The following ACAP1 variants were observed in gnomAD, a reference collection of about 807,000 sequenced individuals.
ACAP1 encodes the protein arf-GAP with coiled-coil, ANK repeat and PH domain-containing protein 1.
Under a neutral mutation model 98.8 loss-of-function variants are expected in ACAP1, and 45 were observed. The observed-to-expected ratio is 0.46, with a 90% CI of 0.36 to 0.58. The LOEUF (loss-of-function observed/expected upper bound fraction) is 0.58, where lower values mean the gene tolerates loss of function less well. Among genes scored for constraint, ACAP1 ranks in the 20% least tolerant of loss-of-function variants. ACAP1 has a pLI of 0.00. For synonymous variants in ACAP1, 362 were observed against 375.3 expected, an observed-to-expected ratio of 0.96 and a Z score of 0.41; for missense variants, 735 against 971.4, an observed-to-expected ratio of 0.76 and a Z score of 3.24.
In ACAP1 at chr17:7,351,373, G is replaced by A. The variant is rs143279009; in HGVS notation, c.2201G>A (p.Ser734Asn). 2.4e-5 allele frequency: 39 copies of A among 1,613,242 alleles called. 1 individual carries two copies. In the African/African-American group the frequency reaches 4.3e-4, roughly 18 times the overall value. ...SDDPEKLSRR[S>N]HDLHTL ...GACCCGGAGAAGCTGAGCCGTCGCA[G>A]TCATGACCTCCACACGCTGTGACCC... Residue 734 changes from serine to asparagine, a missense_variant, in exon 22 of 22, where the codon AGT becomes AAT. Coordinates refer to ENST00000158762, the MANE Select transcript of ACAP1 (RefSeq NM_014716.4).
In ACAP1 at chr17:7,347,951, G is replaced by C; in HGVS notation, c.1373G>C (p.Arg458Pro). Residue 458 changes from arginine (R) to proline (P), a missense_variant, in exon 15 of 22, where the codon CGG becomes CCG. Physicochemically the swap from Arg to Pro is moderately radical, Grantham distance 103 (BLOSUM62 -2). Around this residue, in one of 5 missense-constraint regions of ACAP1, gnomAD observed 81 missense variants for 132.0 expected, o/e 0.61. Transcript: ENST00000158762. ...CTTGGTGTTCACTTCTCCAAAGTCCGGTCTCTGACCCTTGACTCATGGGAG... is the reference window on the plus strand; with the variant it reads ...CTTGGTGTTCACTTCTCCAAAGTCCCGTCTCTGACCCTTGACTCATGGGAG... ...RSLGVHFSKV[R>P]SLTLDSWEPE... 2 of 1,614,176 alleles carry C rather than the reference G, an allele frequency of 1.2e-6. No homozygotes were observed. The highest frequency in any genetic ancestry group is 1.7e-6 in the Non-Finnish European group (2 of 1,180,014).
Position 7,350,171 on chromosome 17 carries a change from G to A in ACAP1, c.2006G>A (p.Arg669Gln), listed in dbSNP as rs1425014135. The change falls in exon 20 of 22, where the codon CGA becomes CAA. Residue 669 changes from arginine to glutamine, a missense_variant. Coordinates refer to ENST00000158762, the MANE Select transcript of ACAP1 (RefSeq NM_014716.4). The surrounding 1 kb of genome is among the most constrained non-coding windows in gnomAD (Gnocchi z 4.6). ...FLKRGADLGA[R>Q]DSEGRDPLTI... is the part of the protein sequence containing the mutation. ...AAACGGGGAGCTGATCTGGGGGCTC[G>A]AGACTCTGAAGGCAGGGACCCTCTG... The A allele has an allele frequency of 6.2e-6, 10 of 1,614,080 alleles. No homozygotes were observed. The Admixed American group carries it at 8.3e-5, about 13-fold the overall frequency.
rs140784794 is a variant in ACAP1 at position 7,346,842 on chromosome 17, C to A, written c.1042C>A (p.Leu348Met). 5 of 1,613,382 alleles carry A rather than the reference C, an allele frequency of 3.1e-6. No individual in the cohort carries two copies. In the African/African-American group the frequency reaches 6.7e-5, roughly 22 times the overall value. The change falls in exon 13 of 22, where the codon CTG becomes ATG. Residue 348 changes from leucine (L) to methionine (M), a missense_variant. This residue lies in a region of ACAP1 where 430 missense variants were observed against 531.8 expected (regional missense o/e 0.81). Coordinates refer to ENST00000158762, the MANE Select transcript of ACAP1 (RefSeq NM_014716.4). The stretch of plus-strand genomic sequence containing the variant: ...CCTCCAGGCTGACTCAGAGCGCCTC[C>A]TGCAGCTGTGGGTCAGTGCTGTGCA... Reference protein sequence around the residue: ...CLLQADSERLLQLWVSAVQSS... With the variant: ...CLLQADSERLMQLWVSAVQSS...
At chr17:7,347,885 C>T (rs774981502) in intron 14 of ACAP1, 37 bp from the exon 15 acceptor site, 1 of 1,589,874 alleles carries the variant, frequency 6.3e-7, no homozygotes, top group African/African-American at 1.3e-5. Flanking sequence ...CACTGCCCCC[C>T]TGCACAGGGC....
chr17:7,338,061 C>A (rs948225322), intron 2 of ACAP1, among the ~76,000 whole-genome samples: 1 of 152,094 alleles, frequency 6.6e-6, no homozygotes, highest in Non-Finnish European at 1.5e-5. Flanking sequence ...CACACAAATA[C>A]ACACTCAAAT....
Position 7,342,294 on chromosome 17 carries a change from C to T in ACAP1, c.251C>T (p.Thr84Ile). The change falls in exon 4 of 22, where the codon ACC becomes ATC. Residue 84 changes from threonine to isoleucine, a missense_variant. Physicochemically the swap from Thr to Ile is moderately conservative, Grantham distance 89. This residue lies in a region of ACAP1 where 430 missense variants were observed against 531.8 expected (regional missense o/e 0.81). Transcript: ENST00000158762. Reference sequence around the variant, plus strand: ...GCCTAGGAGTGTCTGGAAAAATTCACCGTGAGCCTGAACCACAAGCTGGAC... The same window carrying T: ...GCCTAGGAGTGTCTGGAAAAATTCATCGTGAGCCTGAACCACAAGCTGGAC... The part of the protein sequence containing the change: ...PMMAECLEKF[T>I]VSLNHKLDSH... 1 of 1,614,138 alleles carries T rather than the reference C, an allele frequency of 6.2e-7. No individual in the cohort carries two copies. The highest frequency in any genetic ancestry group is 1.1e-5 in the South Asian group (1 of 91,086).
chr17:7,341,334 C>T (rs919719401), intron 2 of ACAP1, among the ~76,000 whole-genome samples: 23 of 152,176 alleles, frequency 1.5e-4, no homozygotes, highest in African/African-American at 4.8e-4. Context: ...CTCAGCCTCC[C>T]GGGTTCAAGC....
At position 7,344,030 on chromosome 17, in the gene ACAP1, A is replaced by T; in HGVS notation, c.670-19A>T. 1 of 1,585,194 alleles carries T rather than the reference A, an allele frequency of 6.3e-7. No individual in the cohort carries two copies. The highest frequency in any genetic ancestry group is 8.6e-7 in the Non-Finnish European group (1 of 1,165,106). On this transcript the variant is annotated intron_variant, in intron 8 of 21. Coordinates refer to ENST00000158762, the MANE Select transcript of ACAP1 (RefSeq NM_014716.4). The surrounding 1 kb of genome is among the most constrained non-coding windows in gnomAD (Gnocchi z 4.9). ...AACTGGGGGGCCTTGGACATCTGAGATGCCCTTCCTGTGCCCAGTTGCACC... is the reference window on the plus strand; with the variant it reads ...AACTGGGGGGCCTTGGACATCTGAGTTGCCCTTCCTGTGCCCAGTTGCACC...
Position 7,346,398 on chromosome 17 carries a change from T to C in ACAP1, c.914T>C (p.Val305Ala). 2 of 1,614,038 alleles carry C rather than the reference T, an allele frequency of 1.2e-6. No individual in the cohort carries two copies. The highest frequency in any genetic ancestry group is 2.7e-5 in the African/African-American group (2 of 75,046). The stretch of plus-strand genomic sequence containing the variant: ...ATCACCTTATCCTGCCAGGACCCTG[T>C]GACTGTGGTGGTGGATGACCTTCGT... ...LVYQKKYKDP[V>A]TVVVDDLRLC... Residue 305 changes from valine to alanine, a missense_variant, in exon 12 of 22, where the codon GTG becomes GCG. Coordinates refer to ENST00000158762, the MANE Select transcript of ACAP1 (RefSeq NM_014716.4).
In ACAP1 at chr17:7,349,046, G is replaced by C. The variant is rs192044976; in HGVS notation, c.1730G>C (p.Arg577Pro). The C allele has an allele frequency of 5.6e-6, 9 of 1,613,818 alleles. No homozygotes were observed. Among genetic ancestry groups the C allele is most frequent in the Middle Eastern group, 1.7e-4 (1 of 5,996 alleles). Residue 577 changes from arginine (R) to proline (P), a missense_variant, in exon 18 of 22, where the codon CGA becomes CCA. Physicochemically the swap from Arg to Pro is moderately radical, Grantham distance 103. Coordinates refer to ENST00000158762, the MANE Select transcript of ACAP1 (RefSeq NM_014716.4). ...CTGCACCCTGGGGCCCTACTGTTTC[G>C]AGCGTCTGGGCATCCTCCATCTCTT... ...GSLHPGALLF[R>P]ASGHPPSLPT... is the part of the protein sequence containing the mutation.
rs1036347308 is a variant in ACAP1 at position 7,344,981 on chromosome 17, CAG to C, written c.854+335_854+336del. ...ATATCTGGGGGAAGAAAGTTCTAGA[CAG>C]AAGAAAGAGCCAGTGCCAAGGCCCT... On this transcript the variant is annotated intron_variant, in intron 10 of 21. Transcript: ENST00000158762. The surrounding 1 kb of genome is among the most constrained non-coding windows in gnomAD (Gnocchi z 4.9). Among the ~76,000 whole-genome samples, 35 of 152,118 alleles carry C rather than the reference CAG, an allele frequency of 2.3e-4. No homozygotes were observed. Among genetic ancestry groups the C allele is most frequent in the African/African-American group, 8.0e-4 (33 of 41,410 alleles).
Position 7,344,717 on chromosome 17 carries a change from T to A in ACAP1, c.854+69T>A. 1 of 1,169,432 alleles carries A rather than the reference T, an allele frequency of 8.6e-7. No individual in the cohort carries two copies. The highest frequency in any genetic ancestry group is 1.5e-5 in the African/African-American group (1 of 65,634). The allele number at this position is 1,169,432 out of a possible 1,614,324, so 72.4% of individuals were successfully genotyped here. ...GTATTTTCGAGTGGTAATAGCACACTAAGCACTGCAAGGAAAAACAGACGA... is the reference window on the plus strand; with the variant it reads ...GTATTTTCGAGTGGTAATAGCACACAAAGCACTGCAAGGAAAAACAGACGA... On this transcript the variant is annotated intron_variant, in intron 10 of 21. Coordinates refer to ENST00000158762, the MANE Select transcript of ACAP1 (RefSeq NM_014716.4). This position sits in a 1 kb window ranked among gnomAD's most constrained non-coding sequence, Gnocchi z 4.9.
chr17:7,349,884 A>G, intron 18 of ACAP1, 61 bp from the exon 19 acceptor site: 1 of 1,366,666 alleles, frequency 7.3e-7, no homozygotes, highest in Non-Finnish European at 1.0e-6. Context: ...ACCCTAAGAC[A>G]TCTTGAAATC....
chr17:7,347,077 G>A lies in ACAP1; in HGVS notation c.1178G>A (p.Gly393Asp), dbSNP rs894658081. ...AIGSAATLGSGGMARGREPGG... is the reference protein window; with the variant it reads ...AIGSAATLGSDGMARGREPGG... ...GGCTCTGCTGCCACCCTGGGCTCTG[G>A]TGGAATGGCCAGGGGAAGGGAGCCT... The change falls in exon 14 of 22, where the codon GGT (glycine) becomes GAT (aspartate). Residue 393 changes from glycine (G) to aspartate (D), a missense_variant. By Grantham distance (94) the Gly-to-Asp change is moderately conservative. This residue lies in a region of ACAP1 where 430 missense variants were observed against 531.8 expected (regional missense o/e 0.81). Transcript: ENST00000158762. 3.7e-6 allele frequency: 6 copies of A among 1,611,354 alleles called. No individual in the cohort carries two copies. The highest frequency in any genetic ancestry group is 2.7e-5 in the African/African-American group (2 of 74,900).
chr17:7,347,292 C>A, intron 14 of ACAP1, 50 bp downstream of exon 14: 2 of 1,522,176 alleles, frequency 1.3e-6, no homozygotes, highest in Non-Finnish European at 1.8e-6. Flanking sequence ...GGCCACAGTG[C>A]GGCTCCAATA....
At chr17:7,351,072 C>T in intron 21 of ACAP1, 73 bp downstream of exon 21, 2 of 1,419,412 alleles carry the variant, frequency 1.4e-6, no homozygotes, top group Non-Finnish European at 2.0e-6. Flanking sequence ...GGTGACCTCT[C>T]TCCCTAGTGC....
Position 7,344,118 on chromosome 17 carries a change from C to A in ACAP1, c.739C>A (p.Gln247Lys). 1 of 1,573,228 alleles carries A rather than the reference C, an allele frequency of 6.4e-7. No individual in the cohort carries two copies. Among genetic ancestry groups the A allele is most frequent in the Non-Finnish European group, 8.6e-7 (1 of 1,158,846 alleles). The change falls in exon 9 of 22, where the codon CAG becomes AAG. Residue 247 changes from glutamine to lysine, a missense_variant. Around this residue, in one of 5 missense-constraint regions of ACAP1, gnomAD observed 430 missense variants for 531.8 expected, o/e 0.81. Coordinates refer to ENST00000158762, the MANE Select transcript of ACAP1 (RefSeq NM_014716.4). The surrounding 1 kb of genome is among the most constrained non-coding windows in gnomAD (Gnocchi z 4.9). ...DMEQRHVLLK[Q>K]KELGGEEPEP... ...GGAGCAGAGACACGTGCTGCTGAAA[C>A]AGAAGGTGAGGGGCCAGGTGCGGTG...
chr17:7,348,726 C>A, intron 17 of ACAP1: 1 of 584,692 alleles, frequency 1.7e-6, no homozygotes. Context: ...GTGGGTTTGG[C>A]TGGAGCGTCA....
At chr17:7,347,384 C>A (rs1200409957) in intron 14 of ACAP1, 142 bp downstream of exon 14, 2 of 886,038 alleles carry the variant, frequency 2.3e-6, no homozygotes, top group African/African-American at 1.7e-5. Flanking sequence ...GGGTACCAGG[C>A]CTGGGCCCAA....
Sources: gnomAD v4.1 joint callset for allele counts (sites outside exome capture counted in the v4.1 genomes callset) on GRCh38, gnomAD v4.1.1 for gene constraint, gnomAD v4.1.1 regional missense constraint, Gnocchi (gnomAD v3.1) non-coding constraint, MANE v1.5 for transcripts, NCBI Gene and HGNC (gene_info 2026-07-23, HGNC 2026-07-21) for gene names.